The following ZNF331 variants were observed in gnomAD, a reference collection of about 807,000 sequenced individuals.
ZNF331 encodes zinc finger protein 331.
Under a neutral mutation model 7.0 loss-of-function variants are expected in ZNF331, and 2 were observed. The observed-to-expected ratio is 0.29, with a 90% CI of 0.12 to 0.90. The LOEUF is 0.90. ZNF331 is among the 40% of genes least tolerant of loss of function. The pLI is 0.58. For missense variants in ZNF331, 432 were observed against 587.7 expected (o/e 0.74, Z 2.74); for synonymous variants, 196 against 205.4 (o/e 0.95, Z 0.39).
chr19:53,506,486 GTCTCTCTCTCTCTCTCTC>G, the ZNF331 span, among the ~76,000 whole-genome samples: 1 of 68,658 alleles, frequency 1.5e-5, no homozygotes, highest in Admixed American at 1.6e-4. Context: ...CTCTCTGTCT[GTCTCTCTCTCTCTCTCTC>G]TCTGTCTCTC....
upstream of ZNF331, chr19:53,537,857 G>C (rs961614009): frequency 6.6e-6 from 1 of 152,308 alleles, no homozygotes; most frequent in Non-Finnish European, 1.5e-5. Flanking sequence ...GCAGGCGCAC[G>C]TGTGTGTCGG....
chr19:53,529,471 C>G (rs1467358875), intron 2 of ZNF331, among the ~76,000 whole-genome samples: 1 of 151,842 alleles, frequency 6.6e-6, no homozygotes, highest in African/African-American at 2.4e-5. Context: ...TGACAGTGTC[C>G]TAGTTGTGGT....
At chr19:53,506,466 C>G in the ZNF331 span, among the ~76,000 whole-genome samples, 84 of 143,388 alleles carry the variant, frequency 5.9e-4, 2 homozygotes, top group African/African-American at 2.1e-3. Context: ...CTCTCTCTCT[C>G]TCTCTCTCTC....
rs1456550338 is a variant in ZNF331, at chr19:53,560,101, C to A, written c.-74+4193C>A. Among the ~76,000 whole-genome samples, 1 of 149,398 alleles carries A rather than the reference C, an allele frequency of 6.7e-6. No individual in the cohort carries two copies. The highest frequency in any genetic ancestry group is 1.5e-5 in the Non-Finnish European group (1 of 67,010). On this transcript the variant is annotated intron_variant, in intron 3 of 5. Coordinates refer to ENST00000449416, the MANE Select transcript of ZNF331 (RefSeq NM_001079906.2). This position sits in a 1 kb window ranked among gnomAD's most constrained non-coding sequence, Gnocchi z 4.3. ...CACACACATATATACACACATATACCCACACCATACACACACATATATACA... is the reference window on the plus strand; with the variant it reads ...CACACACATATATACACACATATACACACACCATACACACACATATATACA...
chr19:53,529,827 A>T (rs2087461129), intron 2 of ZNF331, among the ~76,000 whole-genome samples: 3 of 152,192 alleles, frequency 2.0e-5, no homozygotes, highest in Admixed American at 2.0e-4. Context: ...GGGGAAACTG[A>T]GTAGAAGCAG....
At chr19:53,563,387 A>G (rs968686026) in intron 3 of ZNF331, among the ~76,000 whole-genome samples, 43 of 152,078 alleles carry the variant, frequency 2.8e-4, no homozygotes, top group Admixed American at 3.3e-4. Context: ...CACCCAGCCA[A>G]GCTGGATTTT....
chr19:53,530,161 C>G (rs3974965), intron 2 of ZNF331, among the ~76,000 whole-genome samples: 37,425 of 151,734 alleles, frequency 0.25, 5,192 homozygotes, highest in African/African-American at 0.38. Context: ...GGACACAGCG[C>G]TGGCGGGAGG....
chr19:53,506,970 C>T, the ZNF331 span, among the ~76,000 whole-genome samples: 716 of 152,226 alleles, frequency 4.7e-3, 7 homozygotes, highest in African/African-American at 0.016. Context: ...TTGTGTGTCT[C>T]GGCAGGTGAG....
chr19:53,566,022 G>T (rs558587697), intron 3 of ZNF331, among the ~76,000 whole-genome samples: 1 of 152,106 alleles, frequency 6.6e-6, no homozygotes. Context: ...CCACCACCAG[G>T]TTCCTTGTTT....
At chr19:53,503,294 C>T in the ZNF331 span, 1 of 360,978 alleles carries the variant, frequency 2.8e-6, no homozygotes, top group Non-Finnish European at 5.3e-6. Context: ...TCAGCCCCCA[C>T]CAAGTACCAG....
chr19:53,514,194 A>T, the ZNF331 span, among the ~76,000 whole-genome samples: 1 of 150,626 alleles, frequency 6.6e-6, no homozygotes, highest in African/African-American at 2.4e-5. Context: ...AATAACTAAT[A>T]TATTTTTTCT....
intron 2 of ZNF331, among the ~76,000 whole-genome samples, chr19:53,524,900 C>T (rs575455276): frequency 1.3e-5 from 2 of 152,042 alleles, no homozygotes; most frequent in African/African-American, 2.4e-5. Context: ...GGTTTTAGGT[C>T]TAATATTTAA....
chr19:53,538,803 T>C (rs1421500830), intron 1 of ZNF331: 5 of 152,634 alleles, frequency 3.3e-5, no homozygotes, highest in Non-Finnish European at 5.9e-5. Flanking sequence ...TGTGTGACAG[T>C]GCAACTTGTA....
At position 53,539,154 on chromosome 19, in the gene ZNF331, G is replaced by C. The variant is rs1003139961; in HGVS notation, c.-204-62G>C. 1 of 152,124 alleles carries C rather than the reference G, an allele frequency of 6.6e-6. No individual in the cohort carries two copies. The allele number at this position is 152,124 out of a possible 1,614,324, so 9.4% of individuals were successfully genotyped here. Reference sequence around the variant, plus strand: ...CCCAGAAACTCCATCTCGGGGCCTCGTATTTCTCATTGGTTTTATTAGGTA... The same window carrying C: ...CCCAGAAACTCCATCTCGGGGCCTCCTATTTCTCATTGGTTTTATTAGGTA... On this transcript the variant is annotated intron_variant, in intron 1 of 5. Coordinates refer to ENST00000449416, the MANE Select transcript of ZNF331 (RefSeq NM_001079906.2). This position sits in a 1 kb window ranked among gnomAD's most constrained non-coding sequence, Gnocchi z 6.1.
intron 5 of ZNF331, among the ~76,000 whole-genome samples, chr19:53,574,086 A>G (rs960295600): frequency 1.3e-5 from 2 of 152,184 alleles, no homozygotes; most frequent in African/African-American, 2.4e-5. Flanking sequence ...ACTGCACTCC[A>G]GCCTGGGCAA....
chr19:53,509,954 A>G, the ZNF331 span, among the ~76,000 whole-genome samples: 3 of 152,168 alleles, frequency 2.0e-5, no homozygotes, highest in Non-Finnish European at 4.4e-5. Flanking sequence ...AAAAGCACAC[A>G]CTTCTAAGCC....
At position 53,558,341 on chromosome 19, in the gene ZNF331, C is replaced by T. The variant is rs945728214; in HGVS notation, c.-74+2433C>T. On this transcript the variant is annotated intron_variant, in intron 3 of 5. Transcript: ENST00000449416. The surrounding 1 kb of genome is among the most constrained non-coding windows in gnomAD (Gnocchi z 4.5). ...TCCCAAGCACAGGAGCTTCTGTTCC[C>T]GTGGAATTGGGGTGCGCCACCTTTT... 3.3e-5 allele frequency among the ~76,000 whole-genome samples: 5 copies of T among 152,022 alleles called. No homozygotes were observed. The highest frequency in any genetic ancestry group is 7.2e-5 in the African/African-American group (3 of 41,392).
upstream of ZNF331, among the ~76,000 whole-genome samples, chr19:53,520,799 T>G (rs948318380): frequency 3.3e-5 from 5 of 151,678 alleles, no homozygotes; most frequent in Non-Finnish European, 7.4e-5. Context: ...CCAGAAGCCC[T>G]CAAGGCAGGA....
chr19:53,515,663 A>C (rs1466582227), upstream of ZNF331, among the ~76,000 whole-genome samples: 2 of 151,982 alleles, frequency 1.3e-5, no homozygotes, highest in African/African-American at 2.4e-5. Flanking sequence ...ACGCCCGGCT[A>C]ATTTTGTATT....
Sources: gnomAD v4.1 joint callset for allele counts (sites outside exome capture counted in the v4.1 genomes callset) on GRCh38, gnomAD v4.1.1 for gene constraint, Gnocchi (gnomAD v3.1) non-coding constraint, MANE v1.5 for transcripts, NCBI Gene and HGNC (gene_info 2026-07-23, HGNC 2026-07-21) for gene names.